Variants in SUSD5 observed in about 807,000 individuals in gnomAD.
The protein encoded by SUSD5 is sushi domain-containing protein 5.
Under a neutral mutation model 29.5 loss-of-function variants are expected in SUSD5, and 33 were observed. That is an observed-to-expected ratio of 1.12 (90% CI 0.85 to 1.49). The LOEUF (loss-of-function observed/expected upper bound fraction) is 1.49, where lower values mean the gene tolerates loss of function less well. SUSD5 is among the 40% of genes most tolerant of loss of function. The pLI is 0.00. For missense variants in SUSD5, 776 were observed against 800.6 expected, an observed-to-expected ratio of 0.97 and a Z score of 0.37; for synonymous variants, 308 against 325.3, an observed-to-expected ratio of 0.95 and a Z score of 0.57.
chr3:33,156,871 T>A (rs2031066582), intron 4 of SUSD5, among the ~76,000 whole-genome samples: 1 of 152,216 alleles, frequency 6.6e-6, no homozygotes, highest in Admixed American at 6.5e-5. Flanking sequence ...TGTAAGCCCA[T>A]TCACTTTACA....
In SUSD5 at chr3:33,153,020, A is replaced by G. The variant is rs1395259348; in HGVS notation, c.1612T>C (p.Ser538Pro). The change falls in exon 5 of 5, where the codon TCT becomes CCT. Residue 538 changes from serine to proline, a missense_variant. Ser to Pro is a moderately conservative substitution (Grantham distance 74). Coordinates refer to ENST00000309558, the MANE Select transcript of SUSD5 (RefSeq NM_015551.2). ...EIQDSFPYLL[S>P]EDFFGQEGPG... ...CCTTCCTGTCCAAAGAAGTCTTCAG[A>G]CAGCAGGTATGGGAAGCTATCCTGG... 5 of 1,613,720 alleles carry G rather than the reference A, an allele frequency of 3.1e-6. No homozygotes were observed. The highest frequency in any genetic ancestry group is 1.1e-5 in the South Asian group (1 of 91,054).
intron 3 of SUSD5, among the ~76,000 whole-genome samples, chr3:33,189,391 C>T (rs1418159527): frequency 2.1e-5 from 3 of 145,914 alleles, no homozygotes; most frequent in Non-Finnish European, 3.0e-5. Flanking sequence ...GCAGGAGAAT[C>T]GCTTGAACCC....
At chr3:33,216,888 T>G (rs9832564) in intron 1 of SUSD5, among the ~76,000 whole-genome samples, 56,412 of 151,918 alleles carry the variant, frequency 0.37, 10,854 homozygotes, top group East Asian at 0.53. Flanking sequence ...TTGGAGCTCA[T>G]AAAATTGAGT....
intron 2 of SUSD5, among the ~76,000 whole-genome samples, chr3:33,208,620 T>C (rs942815985): frequency 6.6e-6 from 1 of 152,156 alleles, no homozygotes; most frequent in African/African-American, 2.4e-5. Context: ...TTATCTGAAT[T>C]ATTCTTCTTC....
At position 33,151,388 on chromosome 3, in the gene SUSD5, CAACA is replaced by C. The variant is rs1392715276; in HGVS notation, c.*1350_*1353del. On this transcript the variant is annotated 3_prime_UTR_variant, in exon 5 of 5. Transcript: ENST00000309558. Reference sequence around the variant, plus strand: ...TTTAGATGCTACGAAATGGGTTACCCAACAGACAGGATGGATTCTGTTTCCACAG... The same window carrying C: ...TTTAGATGCTACGAAATGGGTTACCCGACAGGATGGATTCTGTTTCCACAG... 6.6e-6 allele frequency: 1 copy of C among 152,228 alleles called. No individual in the cohort carries two copies. Among genetic ancestry groups the C allele is most frequent in the Non-Finnish European group, 1.5e-5 (1 of 68,088 alleles). The allele number at this position is 152,228 out of a possible 1,614,324, so 9.4% of individuals were successfully genotyped here. A position where few individuals can be genotyped will look rare whatever the true frequency, so the allele number is the denominator to read the frequency against.
At chr3:33,158,573 CAT>C (rs1394293971) in intron 4 of SUSD5, among the ~76,000 whole-genome samples, 3 of 152,246 alleles carry the variant, frequency 2.0e-5, no homozygotes, top group Non-Finnish European at 2.9e-5. Context: ...TGGCATTCCA[CAT>C]GTCTGACCAG....
intron 2 of SUSD5, 53 bp from the exon 3 acceptor site, chr3:33,207,979 T>C (rs2032254566): frequency 7.4e-7 from 1 of 1,357,206 alleles, no homozygotes; most frequent in Admixed American, 1.8e-5. Context: ...TTGAAAATAA[T>C]AAGGAATAAT....
intron 4 of SUSD5, among the ~76,000 whole-genome samples, chr3:33,160,392 T>TA (rs71991629): frequency 3.5e-3 from 504 of 142,384 alleles, no homozygotes; most frequent in African/African-American, 9.1e-3. Context: ...CTTCATCTCT[T>TA]AAAAAAAAAA....
intron 3 of SUSD5, among the ~76,000 whole-genome samples, chr3:33,191,130 A>G (rs2031881312): frequency 6.7e-6 from 1 of 149,874 alleles, no homozygotes; most frequent in Non-Finnish European, 1.5e-5. Context: ...AAATTAGTAT[A>G]CTTTGTTTTT....
At chr3:33,195,528 C>CA (rs2031978781) in intron 3 of SUSD5, among the ~76,000 whole-genome samples, 1 of 151,954 alleles carries the variant, frequency 6.6e-6, no homozygotes, top group Non-Finnish European at 1.5e-5. Context: ...ATTGAAACTA[C>CA]AAAAAGAGCC....
chr3:33,187,637 G>C (rs1398164408), intron 3 of SUSD5, among the ~76,000 whole-genome samples: 1 of 151,470 alleles, frequency 6.6e-6, no homozygotes, highest in African/African-American at 2.4e-5. Flanking sequence ...TTAACATTTG[G>C]TAAGTGTACT....
rs2030849094 is a variant in SUSD5, at chr3:33,150,578, C to G, written c.*2164G>C. 6.6e-6 allele frequency: 1 copy of G among 152,130 alleles called. No individual in the cohort carries two copies. The highest frequency in any genetic ancestry group is 2.1e-4 in the South Asian group (1 of 4,832). 9.4% of individuals were successfully genotyped at this position (152,130 alleles called of 1,614,324 possible). ...TTTATTCTATTATGTTTTGCTTTGG[C>G]TACATGCAGAAAGCATTTTATTCCT... is the stretch of plus-strand genomic sequence containing the variant. On this transcript the variant is annotated 3_prime_UTR_variant, in exon 5 of 5. Transcript: ENST00000309558.
rs1027754088 is a variant in SUSD5 at position 33,166,289 on chromosome 3, C to T, written c.598+8597G>A. ...GGTAAAATTAGTGACCTATTAACTA[C>T]CAATGACAAATATTAGAAATGGGCT... On this transcript the variant is annotated intron_variant, in intron 4 of 4. Coordinates refer to ENST00000309558, the MANE Select transcript of SUSD5 (RefSeq NM_015551.2). Among the ~76,000 whole-genome samples the T allele has an allele frequency of 3.3e-5, 5 of 152,108 alleles. No homozygotes were observed. The East Asian group carries it at 5.8e-4, about 18-fold the overall frequency.
intron 4 of SUSD5, among the ~76,000 whole-genome samples, chr3:33,173,378 T>A (rs1358585522): frequency 5.9e-5 from 9 of 152,160 alleles, no homozygotes; most frequent in Non-Finnish European, 1.3e-4. Context: ...AGGAACCAAC[T>A]GAAATGTGTT....
chr3:33,159,950 A>G (rs1434641355), intron 4 of SUSD5, among the ~76,000 whole-genome samples: 5 of 152,162 alleles, frequency 3.3e-5, no homozygotes, highest in African/African-American at 1.2e-4. Flanking sequence ...CCCTTCAGAA[A>G]TGGTCCTGGG....
intron 2 of SUSD5, among the ~76,000 whole-genome samples, chr3:33,212,459 C>G (rs1029017509): frequency 1.3e-5 from 2 of 152,208 alleles, no homozygotes; most frequent in East Asian, 1.9e-4. Context: ...ACAATTACTT[C>G]TCTAAAGGAT....
chr3:33,153,837 G>C lies in SUSD5; in HGVS notation c.795C>G (p.Val265=), dbSNP rs779796774. 7 of 1,613,890 alleles carry C rather than the reference G, an allele frequency of 4.3e-6. No homozygotes were observed. The African/African-American group carries it at 6.7e-5, about 15-fold the overall frequency. ...CAGGCAAGCCTGTGGTTGGCACAAA[G>C]ACTTTATCCCGGGCTATGTTTTCTC... ...VGRENIARDK[V]FVPTTGLPGA... The change falls in exon 5 of 5, where the codon GTC becomes GTG. Residue 265 remains valine (V), a synonymous_variant. Transcript: ENST00000309558.
chr3:33,205,943 T>C (rs997531579), intron 3 of SUSD5, among the ~76,000 whole-genome samples: 2 of 152,242 alleles, frequency 1.3e-5, no homozygotes, highest in Non-Finnish European at 2.9e-5. Context: ...ATCTTGTTTA[T>C]TGGAGAAAGA....
At chr3:33,198,020 A>G (rs186596111) in intron 3 of SUSD5, among the ~76,000 whole-genome samples, 1 of 152,312 alleles carries the variant, frequency 6.6e-6, no homozygotes, top group Admixed American at 6.5e-5. Flanking sequence ...AGCTGTATAT[A>G]TAATACATGT....
Sources: allele counts gnomAD v4.1 joint callset (sites outside exome capture counted in the v4.1 genomes callset), GRCh38; gene constraint gnomAD v4.1.1; transcripts MANE v1.5; gene names NCBI Gene and HGNC (gene_info 2026-07-23, HGNC 2026-07-21).